The following MACROD2 variants were observed in gnomAD, a reference collection of about 807,000 sequenced individuals.
MACROD2 encodes the protein ADP-ribose glycohydrolase MACROD2.
In MACROD2, 36 loss-of-function variants were observed where a neutral mutation model predicts 70.4. That is an observed-to-expected ratio of 0.51 (90% CI 0.39 to 0.68). The LOEUF (loss-of-function observed/expected upper bound fraction) is 0.68. Among genes scored for constraint, MACROD2 ranks in the 30% least tolerant of loss-of-function variants. The probability of loss-of-function intolerance (pLI) is 0.00; values close to 1 mark genes in which losing one functional copy is unlikely to be tolerated. For missense variants in MACROD2, 496 were observed against 538.4 expected (o/e 0.92, Z 0.78); for synonymous variants, 172 against 178.8 (o/e 0.96, Z 0.30).
chr20:14,759,829 A>G (rs1486778809), intron 5 of MACROD2, among the ~76,000 whole-genome samples: 2 of 152,080 alleles, frequency 1.3e-5, no homozygotes, highest in East Asian at 1.9e-4. Flanking sequence ...ACTCCACTGT[A>G]TATTAGTTGT....
rs530378770 is a variant in MACROD2 at position 14,460,833 on chromosome 20, T to G, written c.272-32646T>G. Among the ~76,000 whole-genome samples the G allele has an allele frequency of 3.9e-5, 6 of 152,250 alleles. No individual in the cohort carries two copies. In the South Asian group the frequency reaches 1.2e-3, roughly 32 times the overall value. On this transcript the variant is annotated intron_variant, in intron 3 of 17. Coordinates refer to ENST00000684519, the MANE Select transcript of MACROD2 (RefSeq NM_001351661.2). ...CTAATTCAGTTTGCCAGTATTTTAT[T>G]GATGATTTTTGCATTGATGTTCATC...
At chr20:15,337,149 T>C (rs1209525068) in intron 6 of MACROD2, among the ~76,000 whole-genome samples, 1 of 151,838 alleles carries the variant, frequency 6.6e-6, no homozygotes, top group African/African-American at 2.4e-5. Flanking sequence ...GATTCATCAA[T>C]GGCTTTGAAG....
intron 3 of MACROD2, among the ~76,000 whole-genome samples, chr20:14,270,599 A>AAT (rs2082184164): frequency 6.6e-6 from 1 of 151,880 alleles, no homozygotes; most frequent in African/African-American, 2.4e-5. Context: ...AAAAAAAAAA[A>AAT]AAAAGGTTTT....
rs138745509 is a variant in MACROD2, at chr20:15,466,676, G to T, written c.572-33098G>T. 5.1e-4 allele frequency among the ~76,000 whole-genome samples: 78 copies of T among 152,236 alleles called. No individual in the cohort carries two copies. The East Asian group carries it at 0.013, about 25-fold the overall frequency. On this transcript the variant is annotated intron_variant, in intron 7 of 17. Coordinates refer to ENST00000684519, the MANE Select transcript of MACROD2 (RefSeq NM_001351661.2). ...TCCTGTGAAAACCTTTAAAACAAGG[G>T]CTTGGAGAGATACTAAGAAGAAAAG... is the stretch of plus-strand genomic sequence containing the variant.
chr20:15,762,632 G>A lies in MACROD2; in HGVS notation c.646-100113G>A, dbSNP rs187630016. ...TGGCTCTTAGTCCAGGCTTTCATTG[G>A]CCTTGGTGCAGCTGCTCATCCTCTT... On this transcript the variant is annotated intron_variant, in intron 8 of 17. Transcript: ENST00000684519. Among the ~76,000 whole-genome samples the A allele has an allele frequency of 2.4e-4, 36 of 152,270 alleles. No homozygotes were observed. In the East Asian group the frequency reaches 6.4e-3, roughly 27 times the overall value.
At chr20:15,723,279 A>G (rs2050814996) in intron 8 of MACROD2, among the ~76,000 whole-genome samples, 1 of 152,168 alleles carries the variant, frequency 6.6e-6, no homozygotes, top group Non-Finnish European at 1.5e-5. Flanking sequence ...ATGAACCTAC[A>G]TTTACACATC....
intron 5 of MACROD2, among the ~76,000 whole-genome samples, chr20:15,200,544 G>A (rs1307481384): frequency 6.6e-6 from 1 of 152,192 alleles, no homozygotes; most frequent in Non-Finnish European, 1.5e-5. Context: ...ATGAAACTAA[G>A]TGAAACCATA....
At chr20:14,558,601 A>C (rs529989912) in intron 4 of MACROD2, among the ~76,000 whole-genome samples, 1 of 151,940 alleles carries the variant, frequency 6.6e-6, no homozygotes, top group Non-Finnish European at 1.5e-5. Flanking sequence ...GAGACATTGT[A>C]TAATTATAAA....
intron 5 of MACROD2, among the ~76,000 whole-genome samples, chr20:14,998,977 G>A (rs376970523): frequency 6.6e-6 from 1 of 152,290 alleles, no homozygotes; most frequent in East Asian, 1.9e-4. Context: ...AGAGTGGCAT[G>A]GCATATTTAA....
chr20:15,487,710 C>G (rs1362832729), intron 7 of MACROD2, among the ~76,000 whole-genome samples: 1 of 152,110 alleles, frequency 6.6e-6, no homozygotes, highest in African/African-American at 2.4e-5. Context: ...AGGAAAGATT[C>G]TCCATGCCAA....
intron 5 of MACROD2, among the ~76,000 whole-genome samples, chr20:14,943,238 T>A (rs544960597): frequency 6.6e-6 from 1 of 152,174 alleles, no homozygotes; most frequent in South Asian, 2.1e-4. Flanking sequence ...TGCAGGCAAC[T>A]GATGAGACAG....
chr20:15,609,761 T>G (rs76006828), intron 8 of MACROD2, among the ~76,000 whole-genome samples: 3,487 of 152,284 alleles, frequency 0.023, 50 homozygotes, highest in Middle Eastern at 0.068. Flanking sequence ...TCTCAATGCT[T>G]TATTAAAGGA....
chr20:15,352,708 A>G (rs1225154804), intron 6 of MACROD2, among the ~76,000 whole-genome samples: 1 of 152,204 alleles, frequency 6.6e-6, no homozygotes, highest in Non-Finnish European at 1.5e-5. Context: ...TACACCAATA[A>G]GAGACAAACA....
At chr20:15,801,901 C>T (rs2063729842) in intron 8 of MACROD2, among the ~76,000 whole-genome samples, 2 of 152,026 alleles carry the variant, frequency 1.3e-5, no homozygotes, top group African/African-American at 4.8e-5. Context: ...GTTTTTATTG[C>T]AGAAGTCTTT....
In MACROD2 at chr20:14,167,392, G is replaced by GT. The variant is rs1036730729; in HGVS notation, c.271+81672dup. Among the ~76,000 whole-genome samples, 38 of 150,628 alleles carry GT rather than the reference G, an allele frequency of 2.5e-4. No individual in the cohort carries two copies. The South Asian group carries it at 6.3e-3, about 25-fold the overall frequency. ...TATAATATCTTTAAATATTTTTTTT[G>GT]TTTTTTTTGAGACGGAGTTTTGCTT... On this transcript the variant is annotated intron_variant, in intron 3 of 17. Transcript: ENST00000684519.
chr20:15,918,284 C>A (rs1393285059), intron 10 of MACROD2, among the ~76,000 whole-genome samples: 1 of 152,076 alleles, frequency 6.6e-6, no homozygotes, highest in Non-Finnish European at 1.5e-5. Context: ...ATTATTTATT[C>A]TTGTAAATTA....
chr20:15,935,410 A>T (rs2065643653), intron 11 of MACROD2, among the ~76,000 whole-genome samples: 1 of 152,198 alleles, frequency 6.6e-6, no homozygotes, highest in Non-Finnish European at 1.5e-5. Context: ...CACACTGCTC[A>T]TTTCTTATCC....
In MACROD2 at chr20:15,072,355, AAGAC is replaced by A. The variant is rs1035821399; in HGVS notation, c.419-157578_419-157575del. Among the ~76,000 whole-genome samples the A allele has an allele frequency of 1.1e-4, 16 of 152,312 alleles. 1 individual carries two copies. The East Asian group carries it at 2.7e-3, about 26-fold the overall frequency. On this transcript the variant is annotated intron_variant, in intron 5 of 17. Transcript: ENST00000684519. ...AATTTTTGTATGGTTAATCCATTTA[AAGAC>A]AGACAGGATAATTCATTTTTCACTG...
intron 9 of MACROD2, among the ~76,000 whole-genome samples, chr20:15,878,992 G>A (rs2064715235): frequency 6.6e-6 from 1 of 152,120 alleles, no homozygotes; most frequent in African/African-American, 2.4e-5. Flanking sequence ...AACAAAAACA[G>A]CGTCTATTAT....
Sources: allele counts gnomAD v4.1 joint callset (sites outside exome capture counted in the v4.1 genomes callset), GRCh38; gene constraint gnomAD v4.1.1; transcripts MANE v1.5; gene names NCBI Gene and HGNC (gene_info 2026-07-23, HGNC 2026-07-21).